HMGCS2: variants seen among roughly 807,000 people sequenced by gnomAD.
HMGCS2 encodes the protein hydroxymethylglutaryl-CoA synthase, mitochondrial.
In HMGCS2, 50 loss-of-function variants were observed where a neutral mutation model predicts 57.4. That is an observed-to-expected ratio of 0.87 (90% CI 0.69 to 1.10). The LOEUF (loss-of-function observed/expected upper bound fraction) is 1.10, where lower values mean the gene tolerates loss of function less well. Among genes scored for constraint, HMGCS2 ranks in the 50% least tolerant of loss-of-function variants. The pLI is 0.00. For synonymous variants in HMGCS2, 254 were observed against 245.1 expected (o/e 1.04, Z -0.34); for missense variants, 627 against 636.5 (o/e 0.99, Z 0.16).
chr1:119,763,421 T>A (rs777183004), intron 2 of HMGCS2, among the ~76,000 whole-genome samples: 2 of 152,214 alleles, frequency 1.3e-5, no homozygotes, highest in African/African-American at 2.4e-5. Context: ...TTTCTATGAA[T>A]TATTTTATTC....
chr1:119,762,699 G>C (rs587696642), intron 2 of HMGCS2, among the ~76,000 whole-genome samples: 2 of 152,252 alleles, frequency 1.3e-5, no homozygotes, highest in East Asian at 1.9e-4. Flanking sequence ...GAGTGTCCAG[G>C]CTCAAGCTTA....
rs1485974535 is a variant in HMGCS2 at position 119,759,887 on chromosome 1, T to C, written c.662A>G (p.Lys221Arg). The C allele has an allele frequency of 2.8e-5, 45 of 1,614,180 alleles. No individual in the cohort carries two copies. The highest frequency in any genetic ancestry group is 3.7e-5 in the Non-Finnish European group (44 of 1,180,028). The part of the protein sequence containing the change: ...AGAVAMLIGP[K>R]APLALERGLR... ...ACCTCGCTCCAGGGCCAGAGGGGCC[T>C]TGGGCCCAATCAGCATAGCCACAGC... is the stretch of plus-strand genomic sequence containing the variant. Residue 221 changes from lysine (K) to arginine (R), a missense_variant, in exon 3 of 10, where the codon AAG (lysine) becomes AGG (arginine). Physicochemically the swap from Lys to Arg is conservative, Grantham distance 26 (BLOSUM62 2). Coordinates refer to ENST00000369406, the MANE Select transcript of HMGCS2 (RefSeq NM_005518.4).
At chr1:119,762,044 T>C (rs974785821) in intron 2 of HMGCS2, among the ~76,000 whole-genome samples, 3 of 152,202 alleles carry the variant, frequency 2.0e-5, no homozygotes, top group African/African-American at 7.2e-5. Context: ...ATTCTTACAA[T>C]ACAATGCCAA....
Position 119,764,602 on chromosome 1 carries a change from G to A in HMGCS2, c.129C>T (p.Pro43=). The change falls in exon 2 of 10, where the codon CCC becomes CCT. Residue 43 remains proline (P), a synonymous_variant. Transcript: ENST00000369406. ...HQRFSTASAV[P]LAKTDTWPKD... ...TTGGCCAAGTATCTGTTTTGGCCAG[G>A]GGGACAGCAGAGGCTGTAGAAAACC... 6.2e-7 allele frequency: 1 copy of A among 1,613,902 alleles called. No individual in the cohort carries two copies.
At chr1:119,761,466 C>T (rs1421572644) in intron 2 of HMGCS2, among the ~76,000 whole-genome samples, 4 of 151,962 alleles carry the variant, frequency 2.6e-5, no homozygotes, top group East Asian at 3.9e-4. Flanking sequence ...ATAAAAGTTT[C>T]ATTAAAAAGG....
chr1:119,759,048 A>G, intron 4 of HMGCS2, 70 bp downstream of exon 4: 2 of 1,463,250 alleles, frequency 1.4e-6, no homozygotes, highest in Non-Finnish European at 1.9e-6. Flanking sequence ...AGACCATCTC[A>G]TGGCCTTTGG....
In HMGCS2 at chr1:119,764,153, G is replaced by A; in HGVS notation, c.559+19C>T. The A allele has an allele frequency of 6.2e-7, 1 of 1,608,712 alleles. No homozygotes were observed. Among genetic ancestry groups the A allele is most frequent in the Admixed American group, 1.7e-5 (1 of 60,022 alleles). On this transcript the variant is annotated intron_variant, in intron 2 of 9. Coordinates refer to ENST00000369406, the MANE Select transcript of HMGCS2 (RefSeq NM_005518.4). ...CAATTCCAGCACCTTTCTTACATAA[G>A]GTTCGTGGCCGTACATACCATCCCA... is the stretch of plus-strand genomic sequence containing the variant.
chr1:119,750,402 C>T (rs587624646), intron 9 of HMGCS2, among the ~76,000 whole-genome samples: 2 of 152,332 alleles, frequency 1.3e-5, no homozygotes, highest in East Asian at 1.9e-4. Context: ...AGGAGAGCTT[C>T]CTATCTTCAG....
chr1:119,752,123 G>T (rs1394852905), intron 8 of HMGCS2, among the ~76,000 whole-genome samples: 3 of 152,114 alleles, frequency 2.0e-5, no homozygotes, highest in African/African-American at 7.2e-5. Context: ...TGCAAAATCG[G>T]TATGATTTTA....
At chr1:119,749,400 C>T (rs1038074721) in intron 9 of HMGCS2, among the ~76,000 whole-genome samples, 3 of 148,630 alleles carry the variant, frequency 2.0e-5, no homozygotes, top group Admixed American at 6.7e-5. Flanking sequence ...TTCCCCCCTC[C>T]CTCCCTATTT....
rs587653750 is a variant in HMGCS2, at chr1:119,764,859, G to A, written c.105-233C>T. Among the ~76,000 whole-genome samples the A allele has an allele frequency of 3.3e-5, 5 of 152,032 alleles. No individual in the cohort carries two copies. In the South Asian group the frequency reaches 6.2e-4, roughly 19 times the overall value. On this transcript the variant is annotated intron_variant, in intron 1 of 9. Transcript: ENST00000369406. ...GCATAAAGTTTCCTTTCCTGACGTC[G>A]ATATAGCTACACTAGCTTTTTGCTT...
rs780427737 is a variant in HMGCS2 at position 119,750,917 on chromosome 1, TGAG to T, written c.1421-12_1421-10del. ...AGGTGGGGAGAAATTCACTGTGGAA[TGAG>T]GAGAAGAGGCAGTACTCACAAAGAG... On this transcript the variant is annotated splice_polypyrimidine_tract_variant and intron_variant, in intron 8 of 9. Coordinates refer to ENST00000369406, the MANE Select transcript of HMGCS2 (RefSeq NM_005518.4). 38 of 1,525,004 alleles carry T rather than the reference TGAG, an allele frequency of 2.5e-5. No individual in the cohort carries two copies. The highest frequency in any genetic ancestry group is 2.8e-5 in the Non-Finnish European group (31 of 1,099,150). The allele number at this position is 1,525,004 out of a possible 1,614,324, so 94.5% of individuals were successfully genotyped here.
At chr1:119,767,331 G>A (rs1241336974) in intron 1 of HMGCS2, among the ~76,000 whole-genome samples, 1 of 152,196 alleles carries the variant, frequency 6.6e-6, no homozygotes, top group Admixed American at 6.5e-5. Context: ...CGCATTTGAG[G>A]CAAACCTTGA....
chr1:119,760,914 G>T (rs1228667777), intron 2 of HMGCS2, among the ~76,000 whole-genome samples: 1 of 151,944 alleles, frequency 6.6e-6, no homozygotes, highest in Non-Finnish European at 1.5e-5. Context: ...TAAGCCACTT[G>T]CCCAAAAACC....
intron 2 of HMGCS2, among the ~76,000 whole-genome samples, chr1:119,761,657 C>T (rs1004162292): frequency 6.6e-6 from 1 of 151,664 alleles, no homozygotes; most frequent in South Asian, 2.1e-4. Context: ...CCCAGCTACT[C>T]GGGAGGCTGA....
rs766097440 is a variant in HMGCS2, at chr1:119,755,439, G to A, written c.1175C>T (p.Ser392Leu). 21 of 1,614,054 alleles carry A rather than the reference G, an allele frequency of 1.3e-5. No individual in the cohort carries two copies. The highest frequency in any genetic ancestry group is 8.9e-5 in the East Asian group (4 of 44,902). ...YTSSLYGCLA[S>L]LLSHHSAQEL... ...ATGCAGTACTCACTGGGACAGAAGC[G>A]AGGCCAGGCACCCGTACAGGGATGA... The change falls in exon 6 of 10, where the codon TCG becomes TTG. Residue 392 changes from serine (S) to leucine (L), a missense_variant. Ser to Leu is a moderately radical substitution (Grantham distance 145). Coordinates refer to ENST00000369406, the MANE Select transcript of HMGCS2 (RefSeq NM_005518.4).
Position 119,759,178 on chromosome 1 carries a change from G to T in HMGCS2, c.790C>A (p.Arg264=). 3 of 1,614,094 alleles carry T rather than the reference G, an allele frequency of 1.9e-6. No individual in the cohort carries two copies. Among genetic ancestry groups the T allele is most frequent in the South Asian group, 1.1e-5 (1 of 91,068 alleles). ...GATGTGTAACATCGATCCAAGGCCC[G>T]CAAGTAGCACTGGATGGAAAGCTTC... ...DGKLSIQCYL[R]ALDRCYTSYR... is the part of the protein sequence containing the mutation. Residue 264 remains arginine (R), a synonymous_variant, in exon 4 of 10, where the codon CGG becomes AGG. Coordinates refer to ENST00000369406, the MANE Select transcript of HMGCS2 (RefSeq NM_005518.4).
At position 119,759,955 on chromosome 1, in the gene HMGCS2, G is replaced by T; in HGVS notation, c.594C>A (p.Ala198=). The T allele has an allele frequency of 6.2e-7, 1 of 1,613,920 alleles. No homozygotes were observed. Among genetic ancestry groups the T allele is most frequent in the Non-Finnish European group, 8.5e-7 (1 of 1,179,836 alleles). ...RYAMVVCGDI[A]VYPSGNARPT... ...GACGAGCATTACCACTGGGATAGAC[G>T]GCAATGTCTCCACAGACCACCATGG... The change falls in exon 3 of 10, where the codon GCC becomes GCA. Residue 198 remains alanine, a synonymous_variant. Coordinates refer to ENST00000369406, the MANE Select transcript of HMGCS2 (RefSeq NM_005518.4).
intron 8 of HMGCS2, 133 bp from the exon 9 acceptor site, chr1:119,751,041 C>T: frequency 1.5e-6 from 1 of 688,978 alleles, no homozygotes; most frequent in South Asian, 1.5e-5. Context: ...GCAAGGTCAC[C>T]CTTAGTCCAC....
Sources: allele counts gnomAD v4.1 joint callset (sites outside exome capture counted in the v4.1 genomes callset), GRCh38; gene constraint gnomAD v4.1.1; transcripts MANE v1.5; gene names NCBI Gene and HGNC (gene_info 2026-07-23, HGNC 2026-07-21).